The following SLC35F1 variants were observed in gnomAD, a reference collection of about 807,000 sequenced individuals.
The protein encoded by SLC35F1 is chromosome 6 open reading frame 169.
Under a neutral mutation model 48.7 loss-of-function variants are expected in SLC35F1, and 14 were observed. That is an observed-to-expected ratio of 0.29 (90% CI 0.19 to 0.45). The LOEUF (loss-of-function observed/expected upper bound fraction) is 0.45. SLC35F1 is among the 20% of genes least tolerant of loss of function. SLC35F1 has a pLI of 1.00. For synonymous variants in SLC35F1, 190 were observed against 202.2 expected (o/e 0.94, Z 0.51); for missense variants, 404 against 500.0 (o/e 0.81, Z 1.83).
At chr6:117,984,866 G>C (rs1776829362) in intron 1 of SLC35F1, among the ~76,000 whole-genome samples, 1 of 152,188 alleles carries the variant, frequency 6.6e-6, no homozygotes, top group Non-Finnish European at 1.5e-5. Context: ...AGCTGGGAGA[G>C]TAACTCACAC....
chr6:117,999,639 A>C (rs1427241295), intron 1 of SLC35F1, among the ~76,000 whole-genome samples: 2 of 152,180 alleles, frequency 1.3e-5, no homozygotes, highest in Non-Finnish European at 2.9e-5. Context: ...AAAACCCTTC[A>C]GAAAATTAAT....
At chr6:117,909,390 T>A (rs1400999014) in intron 1 of SLC35F1, among the ~76,000 whole-genome samples, 1 of 152,186 alleles carries the variant, frequency 6.6e-6, no homozygotes, top group Non-Finnish European at 1.5e-5. Flanking sequence ...CTAGAAAATA[T>A]TGATGTAATA....
At chr6:117,941,823 A>G (rs956073453) in intron 1 of SLC35F1, among the ~76,000 whole-genome samples, 3 of 152,276 alleles carry the variant, frequency 2.0e-5, no homozygotes, top group South Asian at 2.1e-4. Flanking sequence ...TGCTCCCCCA[A>G]TCCCCGATGT....
At chr6:118,048,409 G>C (rs1367209646) in intron 1 of SLC35F1, among the ~76,000 whole-genome samples, 2 of 152,148 alleles carry the variant, frequency 1.3e-5, no homozygotes, top group Non-Finnish European at 2.9e-5. Flanking sequence ...AATGAGTAAA[G>C]AGGAAGTCAA....
intron 1 of SLC35F1, among the ~76,000 whole-genome samples, chr6:118,007,496 T>A (rs765626081): frequency 1.8e-4 from 28 of 152,170 alleles, no homozygotes; most frequent in Non-Finnish European, 3.1e-4. Context: ...CTCTTTATTA[T>A]GTGATGGCTC....
intron 1 of SLC35F1, among the ~76,000 whole-genome samples, chr6:117,983,427 A>G (rs1226829893): frequency 6.6e-6 from 1 of 152,092 alleles, no homozygotes; most frequent in African/African-American, 2.4e-5. Context: ...ATACAAAAAA[A>G]TTAGTCGGGT....
At chr6:118,175,933 C>T (rs1398442459) in intron 2 of SLC35F1, among the ~76,000 whole-genome samples, 4 of 151,708 alleles carry the variant, frequency 2.6e-5, no homozygotes, top group East Asian at 1.9e-4. Context: ...GACCAATTAG[C>T]GAGAGGGAAA....
chr6:118,123,571 G>A (rs577764831), intron 1 of SLC35F1, among the ~76,000 whole-genome samples: 7 of 152,116 alleles, frequency 4.6e-5, no homozygotes, highest in South Asian at 4.1e-4. Context: ...ACATGCAAGC[G>A]CTTTGGAAAA....
At chr6:118,081,061 T>C (rs1772899553) in intron 1 of SLC35F1, among the ~76,000 whole-genome samples, 2 of 152,190 alleles carry the variant, frequency 1.3e-5, no homozygotes, top group South Asian at 2.1e-4. Flanking sequence ...CTCTTCATTA[T>C]GGCTAATTTC....
At position 118,022,907 on chromosome 6, in the gene SLC35F1, C is replaced by T. The variant is rs948358384; in HGVS notation, c.173+115008C>T. Among the ~76,000 whole-genome samples, 5 of 152,136 alleles carry T rather than the reference C, an allele frequency of 3.3e-5. No individual in the cohort carries two copies. In the East Asian group the frequency reaches 7.8e-4, roughly 24 times the overall value. ...CTGGGACTACAGGCGTGTACCACTA[C>T]GCCGGGCTAATTCTTTTTTTTCTTG... On this transcript the variant is annotated intron_variant, in intron 1 of 7. Transcript: ENST00000360388.
chr6:118,062,881 AT>A lies in SLC35F1; in HGVS notation c.174-91557del, dbSNP rs1226469363. On this transcript the variant is annotated intron_variant, in intron 1 of 7. Transcript: ENST00000360388. ...AAATATTATTTGGCACTTTTCCTTA[AT>A]TTTTTTAAAAAAGAAATAGAGCAAG... Among the ~76,000 whole-genome samples, 8 of 152,228 alleles carry A rather than the reference AT, an allele frequency of 5.3e-5. 1 individual carries two copies. Among genetic ancestry groups the A allele is most frequent in the Admixed American group, 3.3e-4 (5 of 15,296 alleles).
intron 2 of SLC35F1, among the ~76,000 whole-genome samples, chr6:118,203,049 G>A (rs1774891003): frequency 6.6e-6 from 1 of 152,182 alleles, no homozygotes; most frequent in Non-Finnish European, 1.5e-5. Flanking sequence ...CTACCTATGG[G>A]TAATTTATTT....
At chr6:118,147,679 T>C (rs776286780) in intron 1 of SLC35F1, among the ~76,000 whole-genome samples, 20 of 152,184 alleles carry the variant, frequency 1.3e-4, no homozygotes, top group Admixed American at 4.6e-4. Context: ...ATGTTACTTC[T>C]GTAAACATAA....
At chr6:117,968,351 A>G (rs184318935) in intron 1 of SLC35F1, among the ~76,000 whole-genome samples, 1 of 152,274 alleles carries the variant, frequency 6.6e-6, no homozygotes, top group East Asian at 1.9e-4. Context: ...AAGAAGTTAC[A>G]TTATTTGGTA....
intron 1 of SLC35F1, among the ~76,000 whole-genome samples, chr6:118,020,636 T>A (rs1777381661): frequency 6.6e-6 from 1 of 152,208 alleles, no homozygotes; most frequent in Admixed American, 6.5e-5. Context: ...ATGTGACAGC[T>A]GGAAGATTCA....
intron 1 of SLC35F1, among the ~76,000 whole-genome samples, chr6:118,041,367 C>G (rs1401486532): frequency 6.6e-6 from 1 of 152,090 alleles, no homozygotes; most frequent in Admixed American, 6.6e-5. Flanking sequence ...TACACATACT[C>G]CAACCCTCCT....
chr6:118,061,590 G>GTATATATATATATATA (rs58046512), intron 1 of SLC35F1, among the ~76,000 whole-genome samples: 65 of 144,408 alleles, frequency 4.5e-4, no homozygotes, highest in African/African-American at 1.6e-3. Context: ...GTGTGTGTGT[G>GTATATATATATATATA]TATATATATA....
At chr6:117,983,285 CTT>C (rs1258925653) in intron 1 of SLC35F1, among the ~76,000 whole-genome samples, 7 of 152,068 alleles carry the variant, frequency 4.6e-5, no homozygotes, top group Admixed American at 4.6e-4. Context: ...TGTACACAGT[CTT>C]TTGTGGAGGA....
chr6:118,074,270 C>A (rs569325472), intron 1 of SLC35F1, among the ~76,000 whole-genome samples: 1 of 152,306 alleles, frequency 6.6e-6, no homozygotes, highest in South Asian at 2.1e-4. Flanking sequence ...ATAGTTACAC[C>A]ATTCCTACCT....
Sources: gnomAD v4.1 joint callset for allele counts (sites outside exome capture counted in the v4.1 genomes callset) on GRCh38, gnomAD v4.1.1 for gene constraint, MANE v1.5 for transcripts, NCBI Gene and HGNC (gene_info 2026-07-23, HGNC 2026-07-21) for gene names.